The following HIRA variants were observed in gnomAD, a reference collection of about 807,000 sequenced individuals.
HIRA encodes histone cell cycle regulator, also known as protein HIRA.
A neutral mutation model predicts 126.6 loss-of-function variants in HIRA; 13 were observed. The ratio of observed to expected loss-of-function variants is 0.10; its 90% CI spans 0.07 to 0.16. HIRA has a LOEUF of 0.16. Among genes scored for constraint, HIRA ranks in the 10% least tolerant of loss-of-function variants. The pLI is 1.00. For missense variants in HIRA, 834 were observed against 1,314.4 expected, an observed-to-expected ratio of 0.63 and a Z score of 5.65; for synonymous variants, 511 against 520.0, an observed-to-expected ratio of 0.98 and a Z score of 0.24.
chr22:19,340,780 A>G (rs1337152346), intron 24 of HIRA, among the ~76,000 whole-genome samples: 1 of 152,240 alleles, frequency 6.6e-6, no homozygotes, highest in East Asian at 1.9e-4. Context: ...CAAATAAAAT[A>G]AAATAAAATA....
chr22:19,397,008 T>C, intron 6 of HIRA, 61 bp from the exon 7 acceptor site: 1 of 1,503,082 alleles, frequency 6.7e-7, no homozygotes, highest in Non-Finnish European at 9.2e-7. Flanking sequence ...CTGCAATCCA[T>C]GGGCCATGGG....
At chr22:19,378,358 A>C (rs1164853506) in intron 13 of HIRA, among the ~76,000 whole-genome samples, 1 of 152,258 alleles carries the variant, frequency 6.6e-6, no homozygotes, top group Non-Finnish European at 1.5e-5. Flanking sequence ...TAAACTGTGC[A>C]AACACATGTC....
At chr22:19,338,288 G>C (rs2088589118) in intron 24 of HIRA, among the ~76,000 whole-genome samples, 1 of 151,750 alleles carries the variant, frequency 6.6e-6, no homozygotes, top group Non-Finnish European at 1.5e-5. Context: ...CCACCACCAA[G>C]CCAGCACTAC....
chr22:19,402,010 C>T (rs1349823360), intron 5 of HIRA, among the ~76,000 whole-genome samples: 1 of 152,202 alleles, frequency 6.6e-6, no homozygotes, highest in Non-Finnish European at 1.5e-5. Flanking sequence ...GCACAGTAAG[C>T]ACATGTCCAT....
chr22:19,349,837 G>A (rs547374449), intron 24 of HIRA, among the ~76,000 whole-genome samples: 6 of 152,076 alleles, frequency 3.9e-5, no homozygotes, highest in Non-Finnish European at 7.4e-5. Context: ...CTACCATCCC[G>A]TTGGGCTGTT....
chr22:19,397,322 A>G (rs1354238137), intron 6 of HIRA, among the ~76,000 whole-genome samples: 1 of 152,132 alleles, frequency 6.6e-6, no homozygotes, highest in Non-Finnish European at 1.5e-5. Context: ...TGAGTCTTTT[A>G]TAAGTTATGG....
At chr22:19,396,560 T>C (rs1331673261) in intron 7 of HIRA, among the ~76,000 whole-genome samples, 1 of 152,228 alleles carries the variant, frequency 6.6e-6, no homozygotes, top group African/African-American at 2.4e-5. Flanking sequence ...CCCTTTTATT[T>C]CAAAGTTGGA....
intron 15 of HIRA, among the ~76,000 whole-genome samples, chr22:19,365,542 A>G (rs2088904625): frequency 6.6e-6 from 1 of 152,230 alleles, no homozygotes; most frequent in South Asian, 2.1e-4. Flanking sequence ...ATCTGTTTAG[A>G]GCATGGTTTA....
chr22:19,345,023 A>C (rs1480551074), intron 24 of HIRA, among the ~76,000 whole-genome samples: 3 of 152,220 alleles, frequency 2.0e-5, no homozygotes, highest in Non-Finnish European at 4.4e-5. Context: ...CACAGCTAAC[A>C]TCGTACTTAA....
chr22:19,415,382 G>A (rs533982873), intron 1 of HIRA, among the ~76,000 whole-genome samples: 11 of 152,178 alleles, frequency 7.2e-5, no homozygotes, highest in Admixed American at 7.2e-4. Flanking sequence ...CCCAGGAGGC[G>A]AAAGACTTGT....
chr22:19,382,217 T>TGCGGG, intron 13 of HIRA, among the ~76,000 whole-genome samples: 1 of 152,176 alleles, frequency 6.6e-6, no homozygotes, highest in African/African-American at 2.4e-5. Context: ...GCTAGAAATA[T>TGCGGG]GCATCCTATG....
intron 1 of HIRA, among the ~76,000 whole-genome samples, chr22:19,421,811 A>G (rs2089448878): frequency 6.6e-6 from 1 of 152,136 alleles, no homozygotes; most frequent in Non-Finnish European, 1.5e-5. Context: ...TGCTGGGACT[A>G]CAGGTACATG....
chr22:19,388,062 G>A (rs1420297008), intron 10 of HIRA, among the ~76,000 whole-genome samples: 1 of 151,988 alleles, frequency 6.6e-6, no homozygotes, highest in Non-Finnish European at 1.5e-5. Flanking sequence ...TTTACCATAT[G>A]TTCTGTAAGA....
chr22:19,356,796 T>C, intron 19 of HIRA, 94 bp downstream of exon 19: 2 of 1,279,248 alleles, frequency 1.6e-6, no homozygotes, highest in Non-Finnish European at 2.2e-6. Flanking sequence ...GCCAGCCTTG[T>C]CCACTGCCTT....
intron 3 of HIRA, 120 bp downstream of exon 3, chr22:19,408,363 G>GACAGCAGGCCGAGGGGAGTT: frequency 1.6e-6 from 1 of 644,672 alleles, no homozygotes; most frequent in Non-Finnish European, 2.9e-6. Context: ...TGTGCCTTCA[G>GACAGCAGGCCGAGGGGAGTT]ACAGCAGGCC....
intron 1 of HIRA, among the ~76,000 whole-genome samples, chr22:19,416,433 C>T (rs923927425): frequency 1.3e-5 from 2 of 152,082 alleles, no homozygotes; most frequent in Non-Finnish European, 2.9e-5. Flanking sequence ...AAGCAACCCT[C>T]CCACCTCAGT....
intron 15 of HIRA, among the ~76,000 whole-genome samples, chr22:19,365,190 G>A (rs114732453): frequency 2.6e-5 from 4 of 152,342 alleles, no homozygotes; most frequent in South Asian, 4.1e-4. Flanking sequence ...AACATAAAAC[G>A]GCAAGGTGAA....
chr22:19,430,694 G>A (rs746402367), intron 1 of HIRA, among the ~76,000 whole-genome samples: 3 of 152,084 alleles, frequency 2.0e-5, no homozygotes, highest in Non-Finnish European at 4.4e-5. Flanking sequence ...ACCAACTCCT[G>A]CAGCAGTTCT....
Position 19,375,621 on chromosome 22 carries a change from T to C in HIRA, c.1775+10A>G, listed in dbSNP as rs1158488389. 2 of 1,613,824 alleles carry C rather than the reference T, an allele frequency of 1.2e-6. No individual in the cohort carries two copies. Among genetic ancestry groups the C allele is most frequent in the Admixed American group, 3.3e-5 (2 of 60,014 alleles). Reference sequence around the variant, plus strand: ...GCCTGGTCCTTCAGGGTCCTGCAGCTACCACCTACCTTTCCACAGCTGTCG... The same window carrying C: ...GCCTGGTCCTTCAGGGTCCTGCAGCCACCACCTACCTTTCCACAGCTGTCG... On this transcript the variant is annotated intron_variant, in intron 15 of 24. Transcript: ENST00000263208.
Sources: allele counts gnomAD v4.1 joint callset (sites outside exome capture counted in the v4.1 genomes callset), GRCh38; gene constraint gnomAD v4.1.1; transcripts MANE v1.5; gene names NCBI Gene and HGNC (gene_info 2026-07-23, HGNC 2026-07-21).